The following MAPK10 variants were observed in gnomAD, a reference collection of about 807,000 sequenced individuals.
MAPK10 encodes JNK3 alpha protein kinase.
MAPK10 carries 25 observed loss-of-function variants against 59.3 expected under a neutral mutation model. That is an observed-to-expected ratio of 0.42 (90% CI 0.31 to 0.59). The LOEUF (loss-of-function observed/expected upper bound fraction) is 0.59, where lower values mean the gene tolerates loss of function less well. Among genes scored for constraint, MAPK10 ranks in the 20% least tolerant of loss-of-function variants. MAPK10 has a pLI of 0.15. For missense variants in MAPK10, 351 were observed against 568.9 expected, an observed-to-expected ratio of 0.62 and a Z score of 3.90; for synonymous variants, 190 against 200.5, an observed-to-expected ratio of 0.95 and a Z score of 0.44.
chr4:86,058,033 T>G (rs1489066001), intron 11 of MAPK10, among the ~76,000 whole-genome samples: 1 of 149,776 alleles, frequency 6.7e-6, no homozygotes, highest in Non-Finnish European at 1.5e-5. Context: ...GAAGTGCACA[T>G]TCAGTGGAAA....
intron 1 of MAPK10, among the ~76,000 whole-genome samples, chr4:86,423,869 C>T (rs567704544): frequency 1.3e-5 from 2 of 148,974 alleles, no homozygotes; most frequent in East Asian, 4.0e-4. Context: ...TAATTTTGAA[C>T]AGGGAATAGG....
At chr4:86,160,423 C>T (rs1487526209) in intron 3 of MAPK10, 1 of 151,912 alleles carries the variant, frequency 6.6e-6, no homozygotes, top group Non-Finnish European at 1.5e-5. Flanking sequence ...TTTAAGCACC[C>T]ACATTTTCTG....
intron 1 of MAPK10, among the ~76,000 whole-genome samples, chr4:86,402,698 T>G (rs1467645758): frequency 2.0e-5 from 3 of 151,784 alleles, no homozygotes; most frequent in Admixed American, 6.6e-5. Context: ...TGACCCTCAG[T>G]GAAAGAGAAA....
intron 2 of MAPK10, among the ~76,000 whole-genome samples, chr4:86,205,732 T>C (rs1391677566): frequency 1.3e-5 from 2 of 152,100 alleles, no homozygotes; most frequent in Admixed American, 6.6e-5. Flanking sequence ...ATTCAGTAGA[T>C]AGAGAAAATA....
rs565221445 is a variant in MAPK10 at position 86,169,243 on chromosome 4, G to C, written c.67-9776C>G. Among the ~76,000 whole-genome samples, 361 of 152,288 alleles carry C rather than the reference G, an allele frequency of 2.4e-3. 12 individuals carry two copies. The South Asian group carries it at 0.05, about 21-fold the overall frequency. On this transcript the variant is annotated intron_variant, in intron 3 of 13. Transcript: ENST00000641462. The stretch of plus-strand genomic sequence containing the variant: ...GACTTTGACGAGTTGAGAGAAGAAG[G>C]CTACAGACGATCAAACTACTCCGAG...
chr4:86,072,486 T>A (rs1172153745), intron 9 of MAPK10, among the ~76,000 whole-genome samples: 1 of 124,848 alleles, frequency 8.0e-6, no homozygotes, highest in Non-Finnish European at 1.7e-5. Flanking sequence ...TCAAAGGGAA[T>A]GCTTCCAGTT....
At chr4:86,161,688 C>T (rs2069742031) in intron 3 of MAPK10, among the ~76,000 whole-genome samples, 1 of 152,048 alleles carries the variant, frequency 6.6e-6, no homozygotes, top group Non-Finnish European at 1.5e-5. Flanking sequence ...CTTTAGCACA[C>T]ACTAGCCTCA....
intron 2 of MAPK10, among the ~76,000 whole-genome samples, chr4:86,319,740 T>C (rs1673330853): frequency 6.6e-6 from 1 of 152,148 alleles, no homozygotes; most frequent in African/African-American, 2.4e-5. Flanking sequence ...AGAGTTAATG[T>C]CCCCAGGGGC....
chr4:86,331,109 A>G (rs1429054728), intron 2 of MAPK10, among the ~76,000 whole-genome samples: 2 of 152,188 alleles, frequency 1.3e-5, no homozygotes, highest in African/African-American at 2.4e-5. Flanking sequence ...AGTGCAGGTC[A>G]TAACTACCCA....
At chr4:86,354,047 T>C (rs1020270180) in intron 2 of MAPK10, among the ~76,000 whole-genome samples, 15 of 152,146 alleles carry the variant, frequency 9.9e-5, no homozygotes, top group East Asian at 1.9e-4. Context: ...AAAATGCCCA[T>C]GAATTGAGTT....
At chr4:86,116,509 G>T (rs536999524) in intron 4 of MAPK10, among the ~76,000 whole-genome samples, 3 of 152,364 alleles carry the variant, frequency 2.0e-5, no homozygotes, top group African/African-American at 7.2e-5. Context: ...GATTGTCAGT[G>T]TAAGTTTGAG....
chr4:86,236,867 A>AT (rs2092282437), intron 2 of MAPK10, among the ~76,000 whole-genome samples: 1 of 152,104 alleles, frequency 6.6e-6, no homozygotes, highest in Non-Finnish European at 1.5e-5. Context: ...TAGGTTCTTT[A>AT]TTTTTTCTAA....
chr4:86,361,798 C>T (rs1239374328), upstream of MAPK10, among the ~76,000 whole-genome samples: 5 of 152,102 alleles, frequency 3.3e-5, no homozygotes, highest in East Asian at 7.7e-4. Flanking sequence ...AGACAAATAC[C>T]ATATAATCTC....
At chr4:86,575,023 T>C (rs1761772442) in intron 1 of MAPK10, among the ~76,000 whole-genome samples, 1 of 152,168 alleles carries the variant, frequency 6.6e-6, no homozygotes, top group Admixed American at 6.5e-5. Flanking sequence ...GTGGATTCAG[T>C]AAAATAGATT....
intron 2 of MAPK10, among the ~76,000 whole-genome samples, chr4:86,351,443 A>G (rs1731427989): frequency 6.6e-6 from 1 of 151,630 alleles, no homozygotes; most frequent in South Asian, 2.1e-4. Context: ...TATGACAAAT[A>G]TTGAATCTAC....
At chr4:86,028,388 G>A (rs1278346059) in intron 13 of MAPK10, 1 of 152,064 alleles carries the variant, frequency 6.6e-6, no homozygotes, top group Non-Finnish European at 1.5e-5. Context: ...GTGTAAATTA[G>A]TTATTCGAAG....
intron 2 of MAPK10, among the ~76,000 whole-genome samples, chr4:86,258,194 T>A (rs1007063902): frequency 6.6e-6 from 1 of 152,176 alleles, no homozygotes; most frequent in African/African-American, 2.4e-5. Context: ...ACCTACCTTA[T>A]CATTTTTAGC....
chr4:86,514,561 C>T (rs1263655424), intron 1 of MAPK10, among the ~76,000 whole-genome samples: 14 of 152,164 alleles, frequency 9.2e-5, no homozygotes, highest in Admixed American at 9.2e-4. Context: ...CACTCTCATA[C>T]ATAATACACC....
intron 2 of MAPK10, among the ~76,000 whole-genome samples, chr4:86,320,237 G>C (rs1471911691): frequency 6.6e-6 from 1 of 152,130 alleles, no homozygotes; most frequent in Middle Eastern, 3.2e-3. Context: ...TCTTTAATTT[G>C]AAAATATATC....
Sources: allele counts gnomAD v4.1 joint callset (sites outside exome capture counted in the v4.1 genomes callset), GRCh38; gene constraint gnomAD v4.1.1; transcripts MANE v1.5; gene names NCBI Gene and HGNC (gene_info 2026-07-23, HGNC 2026-07-21).